PDE4D: variants seen among roughly 807,000 people sequenced by gnomAD.
PDE4D encodes the protein 3',5'-cyclic-AMP phosphodiesterase 4D.
Under a neutral mutation model 87.4 loss-of-function variants are expected in PDE4D, and 24 were observed. The ratio of observed to expected loss-of-function variants is 0.27; its 90% confidence interval spans 0.20 to 0.39. The LOEUF is 0.39. PDE4D is among the 10% of genes least tolerant of loss of function. PDE4D has a pLI of 1.00. For missense variants in PDE4D, 714 were observed against 1,041.0 expected, an observed-to-expected ratio of 0.69 and a Z score of 4.32; for synonymous variants, 384 against 383.2, an observed-to-expected ratio of 1.00 and a Z score of -0.02.
At chr5:60,317,659 A>C (rs1198555741) in intron 1 of PDE4D, among the ~76,000 whole-genome samples, 2 of 152,140 alleles carry the variant, frequency 1.3e-5, no homozygotes, top group Non-Finnish European at 2.9e-5. Flanking sequence ...ACTGCATTGA[A>C]TGTATCCCAG....
intron 1 of PDE4D, among the ~76,000 whole-genome samples, chr5:59,810,212 C>G (rs547776524): frequency 6.6e-6 from 1 of 152,150 alleles, no homozygotes; most frequent in African/African-American, 2.4e-5. Flanking sequence ...GAAGGCGGGC[C>G]GCCTAACACA....
chr5:60,011,153 T>A (rs146544537), intron 2 of PDE4D, among the ~76,000 whole-genome samples: 3,714 of 152,210 alleles, frequency 0.024, 68 homozygotes, highest in Non-Finnish European at 0.036. Context: ...AGCAATCACT[T>A]CAGAAAAGAT....
chr5:59,510,243 T>C lies in PDE4D; in HGVS notation c.456-294275A>G, dbSNP rs567137868. On this transcript the variant is annotated intron_variant, in intron 1 of 14. Transcript: ENST00000340635. Reference sequence around the variant, plus strand: ...ATATATGGGATTGTCACTAAAGCAATAGAATTAAATCACTGTATTAGAAAT... The same window carrying C: ...ATATATGGGATTGTCACTAAAGCAACAGAATTAAATCACTGTATTAGAAAT... Among the ~76,000 whole-genome samples the C allele has an allele frequency of 4.0e-5, 6 of 151,208 alleles. No individual in the cohort carries two copies. The East Asian group carries it at 5.8e-4, about 15-fold the overall frequency.
chr5:59,790,030 T>C (rs1765610217), intron 1 of PDE4D, among the ~76,000 whole-genome samples: 1 of 152,194 alleles, frequency 6.6e-6, no homozygotes. Context: ...AGGGAGGAAC[T>C]GACACCATTC....
At chr5:59,400,447 A>G (rs1790374050) in intron 1 of PDE4D, among the ~76,000 whole-genome samples, 1 of 147,662 alleles carries the variant, frequency 6.8e-6, no homozygotes, top group Non-Finnish European at 1.5e-5. Context: ...CATGGATGAA[A>G]TTGGAAATCA....
chr5:59,679,469 G>A (rs1354856348), intron 1 of PDE4D, among the ~76,000 whole-genome samples: 1 of 152,106 alleles, frequency 6.6e-6, no homozygotes, highest in Non-Finnish European at 1.5e-5. Context: ...ACATTTCCTA[G>A]TGATTTTGTT....
rs371398974 is a variant in PDE4D, at chr5:60,485,974, T to C, written c.-90+1968A>G. The stretch of plus-strand genomic sequence containing the variant: ...ATTATATAGGCAGCTGATTAATGTT[T>C]GATAATTAAGCATTTTTATGTGATT... On this transcript the variant is annotated intron_variant, in intron 1 of 16. Transcript: ENST00000502484. Among the ~76,000 whole-genome samples, 14 of 152,346 alleles carry C rather than the reference T, an allele frequency of 9.2e-5. No homozygotes were observed. The East Asian group carries it at 2.1e-3, about 23-fold the overall frequency.
chr5:60,472,455 T>C (rs763101196), intron 1 of PDE4D, among the ~76,000 whole-genome samples: 1 of 152,160 alleles, frequency 6.6e-6, no homozygotes, highest in East Asian at 1.9e-4. Flanking sequence ...CTAATTATTA[T>C]TATTAAATGA....
intron 3 of PDE4D, among the ~76,000 whole-genome samples, chr5:59,976,353 G>A (rs1761329735): frequency 6.6e-6 from 1 of 152,144 alleles, no homozygotes; most frequent in Non-Finnish European, 1.5e-5. Flanking sequence ...GGGCCTAGTG[G>A]GAGATGCTTG....
intron 1 of PDE4D, among the ~76,000 whole-genome samples, chr5:60,251,614 G>A (rs1024769781): frequency 2.0e-5 from 3 of 151,712 alleles, no homozygotes; most frequent in Admixed American, 6.6e-5. Context: ...TACTATTATC[G>A]ATGGGCATTT....
At chr5:59,985,225 G>C (rs1762337454) in intron 3 of PDE4D, among the ~76,000 whole-genome samples, 2 of 147,780 alleles carry the variant, frequency 1.4e-5, no homozygotes, top group South Asian at 4.3e-4. Flanking sequence ...TGCAACCTCT[G>C]CCTCCCGGGT....
intron 1 of PDE4D, among the ~76,000 whole-genome samples, chr5:60,495,739 G>A (rs1422991329): frequency 3.3e-5 from 5 of 152,208 alleles, no homozygotes; most frequent in East Asian, 1.9e-4. Context: ...GATACAGTAC[G>A]TGTCCTTCTA....
intron 1 of PDE4D, among the ~76,000 whole-genome samples, chr5:60,469,464 G>A (rs1337820104): frequency 1.3e-5 from 2 of 152,052 alleles, no homozygotes; most frequent in African/African-American, 4.8e-5. Context: ...CCATGTAGAG[G>A]GCTTTCAACT....
chr5:60,104,077 G>A lies in PDE4D; in HGVS notation c.42+81480C>T, dbSNP rs851283. ...CGAGGCATTGCCTCACTTGGGAAGC[G>A]CAAGGGGTCAGGGAGTTCCCTTTCC... On this transcript the variant is annotated intron_variant, in intron 2 of 16. Transcript: ENST00000502484. Among the ~76,000 whole-genome samples, 540 of 152,136 alleles carry A rather than the reference G, an allele frequency of 3.5e-3. 2 individuals are homozygous for A. The highest frequency in any genetic ancestry group is 4.7e-3 in the Non-Finnish European group (317 of 67,968).
At chr5:59,133,066 T>C (rs972109858) in intron 5 of PDE4D, among the ~76,000 whole-genome samples, 1 of 152,226 alleles carries the variant, frequency 6.6e-6, no homozygotes, top group Non-Finnish European at 1.5e-5. Flanking sequence ...GAAAAATTAA[T>C]CTCAATTTTT....
At chr5:59,912,300 A>T (rs1375652835) in intron 3 of PDE4D, among the ~76,000 whole-genome samples, 2 of 152,222 alleles carry the variant, frequency 1.3e-5, no homozygotes, top group Non-Finnish European at 1.5e-5. Context: ...AAAAGATTTA[A>T]GCTAATTTTT....
intron 1 of PDE4D, among the ~76,000 whole-genome samples, chr5:59,764,355 C>A (rs976644483): frequency 6.6e-6 from 1 of 152,138 alleles, no homozygotes; most frequent in Non-Finnish European, 1.5e-5. Context: ...TTAATTAAAC[C>A]ACAACCCCCA....
chr5:59,615,905 C>T (rs1209323380), intron 1 of PDE4D, among the ~76,000 whole-genome samples: 3 of 151,882 alleles, frequency 2.0e-5, no homozygotes, highest in Non-Finnish European at 4.4e-5. Context: ...CAGAAGTCCT[C>T]AAAATGGCCT....
chr5:59,066,783 T>C (rs1258185766), intron 5 of PDE4D, among the ~76,000 whole-genome samples: 1 of 151,974 alleles, frequency 6.6e-6, no homozygotes, highest in Non-Finnish European at 1.5e-5. Flanking sequence ...ACAGCCCTTA[T>C]AAGGGGATTA....
Sources: gnomAD v4.1 joint callset for allele counts (sites outside exome capture counted in the v4.1 genomes callset) on GRCh38, gnomAD v4.1.1 for gene constraint, MANE v1.5 for transcripts, NCBI Gene and HGNC (gene_info 2026-07-23, HGNC 2026-07-21) for gene names.